The following IPO7 variants were observed in gnomAD, a reference collection of about 807,000 sequenced individuals.
The protein encoded by IPO7 is importin 7, also known as importin-7.
A neutral mutation model predicts 136.4 loss-of-function variants in IPO7; 13 were observed. The observed-to-expected ratio is 0.10, with a 90% CI of 0.06 to 0.15. IPO7 has a LOEUF of 0.15. Ranked by LOEUF, IPO7 falls within the 10% of genes least tolerant of loss-of-function variation. The pLI is 1.00. For synonymous variants in IPO7, 403 were observed against 404.4 expected (o/e 1.00, Z 0.04); for missense variants, 857 against 1,240.6 (o/e 0.69, Z 4.65).
Position 9,440,570 on chromosome 11 carries a change from T to C in IPO7, c.2811T>C (p.Ala937=), listed in dbSNP as rs962606131. 6.2e-7 allele frequency: 1 copy of C among 1,613,990 alleles called. No homozygotes were observed. The highest frequency in any genetic ancestry group is 8.5e-7 in the Non-Finnish European group (1 of 1,179,860). The part of the protein sequence containing the change: ...GDDEDWEEDD[A]EETALEGYST... ...ATGAAGATTGGGAAGAAGATGATGC[T>C]GAAGAGACTGCTCTGGAAGGCTATT... Residue 937 remains alanine (A), a synonymous_variant, in exon 23 of 25, where the codon GCT becomes GCC. Coordinates refer to ENST00000379719, the MANE Select transcript of IPO7 (RefSeq NM_006391.3).
chr11:9,442,101 G>C lies in IPO7; in HGVS notation c.2923G>C (p.Val975Leu). ...GATAGCTATTCAAAATCGTAATCCTGTGTGGTATCAGGCACTGACTCACGG... is the reference window on the plus strand; with the variant it reads ...GATAGCTATTCAAAATCGTAATCCTCTGTGGTATCAGGCACTGACTCACGG... ...IFQTIQNRNP[V>L]WYQALTHGLN... Residue 975 changes from valine (V) to leucine (L), a missense_variant, in exon 24 of 25, where the codon GTG (valine) becomes CTG (leucine). Transcript: ENST00000379719. The C allele has an allele frequency of 6.3e-7, 1 of 1,585,720 alleles. No individual in the cohort carries two copies. The highest frequency in any genetic ancestry group is 1.7e-5 in the Admixed American group (1 of 59,706).
At chr11:9,411,907 T>C (rs933101139) in intron 4 of IPO7, among the ~76,000 whole-genome samples, 2 of 152,204 alleles carry the variant, frequency 1.3e-5, no homozygotes, top group Non-Finnish European at 2.9e-5. Flanking sequence ...GAATATCTGA[T>C]GTAGAACAAG....
chr11:9,397,341 A>AAAAAAAAAAAAAAAAAAAAAATATAT, intron 1 of IPO7, among the ~76,000 whole-genome samples: 9 of 10,758 alleles, frequency 8.4e-4, no homozygotes, highest in Non-Finnish European at 1.6e-3. Context: ...TTTAAAAAAA[A>AAAAAAAAAAAAAAAAAAAAAATATAT]ATATATATAT....
chr11:9,423,237 T>G, intron 9 of IPO7, 97 bp downstream of exon 9: 1 of 703,002 alleles, frequency 1.4e-6, no homozygotes, highest in Non-Finnish European at 2.3e-6. Context: ...TTGAGTTGTG[T>G]TACTTAGACT....
chr11:9,430,402 T>A (rs1855276820), intron 15 of IPO7: 2 of 155,446 alleles, frequency 1.3e-5, no homozygotes, highest in Non-Finnish European at 2.8e-5. Context: ...TGGGCCTTCA[T>A]GGTACTTGTT....
intron 2 of IPO7, among the ~76,000 whole-genome samples, chr11:9,407,964 C>T (rs1854910800): frequency 6.6e-6 from 1 of 152,198 alleles, no homozygotes; most frequent in African/African-American, 2.4e-5. Context: ...TTTCTGAACA[C>T]AGTAAATTCT....
chr11:9,425,443 A>G (rs753214159), intron 12 of IPO7, 181 bp downstream of exon 12: 5 of 558,766 alleles, frequency 8.9e-6, no homozygotes, highest in South Asian at 4.6e-5. Context: ...CCCCATCTCT[A>G]TAAGGATAAA....
chr11:9,384,663 G>A lies in IPO7; in HGVS notation c.-101G>A, dbSNP rs1854522954. 2.0e-6 allele frequency: 2 copies of A among 982,924 alleles called. No homozygotes were observed. The highest frequency in any genetic ancestry group is 3.0e-6 in the Non-Finnish European group (2 of 666,434). 60.9% of individuals were successfully genotyped at this position (982,924 alleles called of 1,614,324 possible). A position where few individuals can be genotyped will look rare whatever the true frequency, so the allele number is the denominator to read the frequency against. ...TGGCGCTTCTCTTTCCTTTCGCGCC[G>A]GTTGCCGCTGCGGAGCGCGGCGGGT... On this transcript the variant is annotated 5_prime_UTR_variant, in exon 1 of 25. Transcript: ENST00000379719.
At chr11:9,423,692 T>C in intron 9 of IPO7, 85 bp from the exon 10 acceptor site, 1 of 777,368 alleles carries the variant, frequency 1.3e-6, no homozygotes, top group Non-Finnish European at 2.2e-6. Context: ...CATATAGTGT[T>C]ACTTTGGTTT....
chr11:9,416,502 C>A (rs1855044369), intron 5 of IPO7, among the ~76,000 whole-genome samples: 1 of 152,152 alleles, frequency 6.6e-6, no homozygotes, highest in South Asian at 2.1e-4. Flanking sequence ...TTGAGACTAG[C>A]ATACCTGTTG....
Position 9,415,706 on chromosome 11 carries a change from C to T in IPO7, c.636+1295C>T, listed in dbSNP as rs1176599442. Among the ~76,000 whole-genome samples, 11 of 151,802 alleles carry T rather than the reference C, an allele frequency of 7.2e-5. No individual in the cohort carries two copies. In the East Asian group the frequency reaches 7.8e-4, roughly 11 times the overall value. ...ACAAAAAATTAGCTGGGCGTGGTGG[C>T]GGGCACCTGTAGTCCCCGCTACTCA... On this transcript the variant is annotated intron_variant, in intron 5 of 24. Coordinates refer to ENST00000379719, the MANE Select transcript of IPO7 (RefSeq NM_006391.3).
chr11:9,419,559 A>AAAAAAAAATAT (rs1256216265), intron 6 of IPO7, among the ~76,000 whole-genome samples: 4 of 116,846 alleles, frequency 3.4e-5, no homozygotes, highest in Admixed American at 8.8e-5. Flanking sequence ...AAAAAAAAAA[A>AAAAAAAAATAT]ATATATATAT....
At chr11:9,388,488 T>G (rs965401101) in intron 1 of IPO7, among the ~76,000 whole-genome samples, 1 of 151,734 alleles carries the variant, frequency 6.6e-6, no homozygotes, top group African/African-American at 2.4e-5. Context: ...TTATTTATAT[T>G]TATTTTTTGA....
chr11:9,428,413 G>A, intron 12 of IPO7, 127 bp from the exon 13 acceptor site: 1 of 471,038 alleles, frequency 2.1e-6, no homozygotes, highest in East Asian at 3.2e-5. Context: ...TGTGGATTCT[G>A]GGGTTCAAAG....
Position 9,428,915 on chromosome 11 carries a change from C to T in IPO7, c.1426-116C>T, listed in dbSNP as rs753622256. 1.4e-5 allele frequency: 13 copies of T among 897,664 alleles called. No individual in the cohort carries two copies. In the South Asian group the frequency reaches 1.7e-4, roughly 12 times the overall value. The allele number at this position is 897,664 out of a possible 1,614,324, so 55.6% of individuals were successfully genotyped here. A position where few individuals can be genotyped will look rare whatever the true frequency, so the allele number is the denominator to read the frequency against. ...GTACTGGTCTAGTGTTGTCTCTGGA[C>T]ACATCTACCACTGGCCAGCCTCCAA... On this transcript the variant is annotated intron_variant, in intron 13 of 24. Transcript: ENST00000379719.
intron 19 of IPO7, among the ~76,000 whole-genome samples, chr11:9,435,552 A>G (rs900472908): frequency 3.3e-5 from 5 of 152,146 alleles, no homozygotes; most frequent in African/African-American, 7.2e-5. Flanking sequence ...AAGTTTTTAG[A>G]TTTCTTTCAC....
At chr11:9,425,075 G>A in intron 11 of IPO7, 71 bp from the exon 12 acceptor site, 1 of 1,301,458 alleles carries the variant, frequency 7.7e-7, no homozygotes, top group Non-Finnish European at 1.1e-6. Context: ...AGTCATGTGA[G>A]TCATTTTGTT....
At chr11:9,392,305 G>A (rs957382438) in intron 1 of IPO7, 3 of 319,658 alleles carry the variant, frequency 9.4e-6, no homozygotes, top group East Asian at 1.1e-4. Context: ...AGCCTCTTGA[G>A]TAGCTGGGAT....
chr11:9,397,341 A>AAAAAAATATATAT, intron 1 of IPO7, among the ~76,000 whole-genome samples: 263 of 10,758 alleles, frequency 0.024, 27 homozygotes, highest in Non-Finnish European at 0.028. Context: ...TTTAAAAAAA[A>AAAAAAATATATAT]ATATATATAT....
Sources: allele counts gnomAD v4.1 joint callset (sites outside exome capture counted in the v4.1 genomes callset), GRCh38; gene constraint gnomAD v4.1.1; transcripts MANE v1.5; gene names NCBI Gene and HGNC (gene_info 2026-07-23, HGNC 2026-07-21).